The following C1orf21 variants were observed in gnomAD, a reference collection of about 807,000 sequenced individuals.
C1orf21 encodes uncharacterized protein C1orf21.
In C1orf21, 3 loss-of-function variants were observed where a neutral mutation model predicts 18.7. The observed-to-expected ratio is 0.16, with a 90% CI of 0.07 to 0.42. The LOEUF is 0.42. Among genes scored for constraint, C1orf21 ranks in the 10% least tolerant of loss-of-function variants. The probability of loss-of-function intolerance (pLI) is 0.99; values close to 1 mark genes in which losing one functional copy is unlikely to be tolerated. For synonymous variants in C1orf21, 41 were observed against 46.4 expected (o/e 0.88, Z 0.47); for missense variants, 104 against 143.6 (o/e 0.72, Z 1.41).
intron 3 of C1orf21, among the ~76,000 whole-genome samples, chr1:184,586,274 T>G (rs549825078): frequency 4.9e-4 from 73 of 149,148 alleles, no homozygotes; most frequent in Non-Finnish European, 8.3e-4. Flanking sequence ...TTTGTTCATG[T>G]CTTTTGTCCA....
At chr1:184,545,424 T>C (rs929573303) in intron 3 of C1orf21, among the ~76,000 whole-genome samples, 3 of 152,166 alleles carry the variant, frequency 2.0e-5, no homozygotes, top group African/African-American at 7.2e-5. Flanking sequence ...TGGTGTAGCA[T>C]ATATTTTTTT....
In C1orf21 at chr1:184,504,376, G is replaced by C. The variant is rs113290407; in HGVS notation, c.95-3212G>C. 9.7e-4 allele frequency among the ~76,000 whole-genome samples: 148 copies of C among 152,270 alleles called. 2 individuals are homozygous for C. Among genetic ancestry groups the C allele is most frequent in the African/African-American group, 3.5e-3 (146 of 41,546 alleles). On this transcript the variant is annotated intron_variant, in intron 2 of 5. Coordinates refer to ENST00000235307, the MANE Select transcript of C1orf21 (RefSeq NM_030806.4). ...GGACCCTCTGGCTGTAACGGTGGCT[G>C]TCTCCATTTCTTCCAGTGTGGGCTC...
At chr1:184,400,268 C>T (rs186737748) in intron 1 of C1orf21, among the ~76,000 whole-genome samples, 13 of 152,184 alleles carry the variant, frequency 8.5e-5, no homozygotes, top group East Asian at 3.9e-4. Flanking sequence ...AACAGTATTT[C>T]GAGACCACAG....
intron 5 of C1orf21, among the ~76,000 whole-genome samples, chr1:184,617,441 T>C (rs905753062): frequency 2.0e-5 from 3 of 152,176 alleles, no homozygotes; most frequent in African/African-American, 7.2e-5. Flanking sequence ...TGGATACATT[T>C]GTATGTGTCT....
At chr1:184,467,564 G>C (rs1657421250) in intron 1 of C1orf21, among the ~76,000 whole-genome samples, 1 of 152,178 alleles carries the variant, frequency 6.6e-6, no homozygotes, top group Non-Finnish European at 1.5e-5. Flanking sequence ...CTGCAGAACT[G>C]CTGTCTCCTG....
chr1:184,585,516 A>G (rs1443242964), intron 3 of C1orf21, among the ~76,000 whole-genome samples: 1 of 152,172 alleles, frequency 6.6e-6, no homozygotes, highest in Admixed American at 6.5e-5. Context: ...GGTTTGTTAC[A>G]TAGGTAAATG....
intron 1 of C1orf21, among the ~76,000 whole-genome samples, chr1:184,393,233 C>G (rs1027438127): frequency 6.6e-6 from 1 of 152,210 alleles, no homozygotes; most frequent in African/African-American, 2.4e-5. Flanking sequence ...TCCAGATCCA[C>G]TGTCTATCTG....
intron 1 of C1orf21, among the ~76,000 whole-genome samples, chr1:184,475,255 C>T (rs992716371): frequency 2.6e-5 from 4 of 152,146 alleles, no homozygotes; most frequent in African/African-American, 4.8e-5. Flanking sequence ...TATGGTCTTA[C>T]GATGTCCTTT....
At chr1:184,581,515 A>G (rs1269352675) in intron 3 of C1orf21, among the ~76,000 whole-genome samples, 1 of 152,130 alleles carries the variant, frequency 6.6e-6, no homozygotes, top group Non-Finnish European at 1.5e-5. Flanking sequence ...CACTCTGGGT[A>G]AAAATTGAAT....
At chr1:184,567,029 G>C in intron 3 of C1orf21, 1 of 515,218 alleles carries the variant, frequency 1.9e-6, no homozygotes, top group South Asian at 1.4e-5. Flanking sequence ...TTGAAGAGAC[G>C]GGAACATTGT....
chr1:184,492,481 G>T (rs1477066841), intron 2 of C1orf21, among the ~76,000 whole-genome samples: 2 of 152,206 alleles, frequency 1.3e-5, no homozygotes, highest in African/African-American at 4.8e-5. Context: ...AGAAAAAAAT[G>T]GTGGTGGTGG....
chr1:184,588,890 A>T (rs966568226), intron 3 of C1orf21, among the ~76,000 whole-genome samples: 1 of 151,876 alleles, frequency 6.6e-6, no homozygotes, highest in Non-Finnish European at 1.5e-5. Flanking sequence ...CTGGAAGCGC[A>T]CTCCTGGGAG....
intron 1 of C1orf21, among the ~76,000 whole-genome samples, chr1:184,465,452 T>A (rs1177693380): frequency 2.6e-5 from 4 of 152,202 alleles, no homozygotes; most frequent in Non-Finnish European, 5.9e-5. Flanking sequence ...TGGGGCTTGG[T>A]CCAGAAAATG....
intron 3 of C1orf21, among the ~76,000 whole-genome samples, chr1:184,580,660 G>A (rs1008820516): frequency 6.6e-6 from 1 of 152,186 alleles, no homozygotes; most frequent in Non-Finnish European, 1.5e-5. Flanking sequence ...TTTTCAACAA[G>A]CATCAATGAT....
At chr1:184,488,473 A>G (rs892403809) in intron 2 of C1orf21, among the ~76,000 whole-genome samples, 1 of 152,240 alleles carries the variant, frequency 6.6e-6, no homozygotes, top group Non-Finnish European at 1.5e-5. Flanking sequence ...ATGATGCCCC[A>G]GTGATTGTAA....
Position 184,480,995 on chromosome 1 carries a change from C to T in C1orf21, c.94+3392C>T, listed in dbSNP as rs185085189. Among the ~76,000 whole-genome samples the T allele has an allele frequency of 1.4e-4, 21 of 152,182 alleles. No individual in the cohort carries two copies. The East Asian group carries it at 3.9e-3, about 28-fold the overall frequency. ...TGACTGTTGTCTCTTGAGGCAATCT[C>T]CTTGTGGGAGAGAGTTTCTGCCCTG... On this transcript the variant is annotated intron_variant, in intron 2 of 5. Coordinates refer to ENST00000235307, the MANE Select transcript of C1orf21 (RefSeq NM_030806.4).
chr1:184,624,965 AT>A lies in C1orf21; in HGVS notation c.*5410del, dbSNP rs1325512624. The A allele has an allele frequency of 6.6e-6, 1 of 152,208 alleles. No homozygotes were observed. Among genetic ancestry groups the A allele is most frequent in the Non-Finnish European group, 1.5e-5 (1 of 68,038 alleles). The allele number at this position is 152,208 out of a possible 1,614,324, so 9.4% of individuals were successfully genotyped here. Reference sequence around the variant, plus strand: ...TGTCCTTGTGTAAAGGGGCTGTCATATCCAGTTTTCCTTTGAAATCTGGCCC... The same window carrying A: ...TGTCCTTGTGTAAAGGGGCTGTCATACCAGTTTTCCTTTGAAATCTGGCCC... On this transcript the variant is annotated 3_prime_UTR_variant, in exon 6 of 6. Transcript: ENST00000235307.
At chr1:184,478,216 G>A (rs1406261645) in intron 2 of C1orf21, among the ~76,000 whole-genome samples, 1 of 152,006 alleles carries the variant, frequency 6.6e-6, no homozygotes. Context: ...TATAAATGAG[G>A]GAGTGAGGTG....
intron 1 of C1orf21, among the ~76,000 whole-genome samples, chr1:184,461,935 ATTC>A (rs1030714268): frequency 6.6e-6 from 1 of 152,192 alleles, no homozygotes; most frequent in African/African-American, 2.4e-5. Flanking sequence ...AAACATCTCT[ATTC>A]TTTTAAAAAA....
Sources: allele counts gnomAD v4.1 joint callset (sites outside exome capture counted in the v4.1 genomes callset), GRCh38; gene constraint gnomAD v4.1.1; transcripts MANE v1.5; gene names NCBI Gene and HGNC (gene_info 2026-07-23, HGNC 2026-07-21).